Variants in GABBR2 observed in about 807,000 individuals in gnomAD.
GABBR2 encodes the protein G-protein coupled receptor 51.
A neutral mutation model predicts 105.6 loss-of-function variants in GABBR2; 23 were observed. The ratio of observed to expected loss-of-function variants is 0.22; its 90% confidence interval spans 0.16 to 0.31. The LOEUF is 0.31. Ranked by LOEUF, GABBR2 falls within the 10% of genes least tolerant of loss-of-function variation. GABBR2 has a pLI of 1.00. For missense variants in GABBR2, 734 were observed against 1,245.5 expected (o/e 0.59, Z 6.18); for synonymous variants, 478 against 499.7 (o/e 0.96, Z 0.58).
chr9:98,655,381 TA>T (rs374241115), intron 1 of GABBR2, among the ~76,000 whole-genome samples: 102 of 150,472 alleles, frequency 6.8e-4, no homozygotes, highest in African/African-American at 1.3e-3. Context: ...AAAATTGCTT[TA>T]AAAAAAAAGC....
At chr9:98,375,167 C>G (rs1831850412) in intron 11 of GABBR2, 1 of 152,308 alleles carries the variant, frequency 6.6e-6, no homozygotes. Context: ...TGATATTTCT[C>G]AAACCATCCT....
At chr9:98,575,429 C>T (rs1326834721) in intron 2 of GABBR2, among the ~76,000 whole-genome samples, 1 of 152,170 alleles carries the variant, frequency 6.6e-6, no homozygotes, top group African/African-American at 2.4e-5. Flanking sequence ...CAGGGCAGGA[C>T]TAACCACAAA....
At chr9:98,647,712 C>T (rs960083959) in intron 1 of GABBR2, among the ~76,000 whole-genome samples, 1 of 152,160 alleles carries the variant, frequency 6.6e-6, no homozygotes, top group African/African-American at 2.4e-5. Context: ...AGGTTAATTA[C>T]ATTGAGAAGA....
At chr9:98,338,480 T>C (rs1438912177) in intron 13 of GABBR2, among the ~76,000 whole-genome samples, 1 of 152,190 alleles carries the variant, frequency 6.6e-6, no homozygotes, top group African/African-American at 2.4e-5. Flanking sequence ...TAGACATTTC[T>C]CCAACAAAGA....
chr9:98,631,488 A>G (rs1366167528), intron 1 of GABBR2, among the ~76,000 whole-genome samples: 3 of 152,246 alleles, frequency 2.0e-5, no homozygotes, highest in African/African-American at 7.2e-5. Context: ...TAATGAATGG[A>G]ACAGACAGAT....
chr9:98,393,746 G>A lies in GABBR2; in HGVS notation c.1378+429C>T, dbSNP rs114651435. Among the ~76,000 whole-genome samples the A allele has an allele frequency of 7.8e-3, 1,191 of 152,324 alleles. 13 individuals are homozygous for A. Among genetic ancestry groups the A allele is most frequent in the African/African-American group, 0.027 (1,107 of 41,564 alleles). On this transcript the variant is annotated intron_variant, in intron 9 of 18. Coordinates refer to ENST00000259455, the MANE Select transcript of GABBR2 (RefSeq NM_005458.8). ...AGTTGGATGGCAATTAAGGAAGATC[G>A]CACAGAAGAGGTGTCATTTGAGCTG... is the stretch of plus-strand genomic sequence containing the variant.
At chr9:98,295,441 T>C (rs866811332) in intron 17 of GABBR2, among the ~76,000 whole-genome samples, 29 of 151,914 alleles carry the variant, frequency 1.9e-4, no homozygotes, top group African/African-American at 6.8e-4. Flanking sequence ...GGAGAGAAAA[T>C]ACATGAGTTA....
chr9:98,463,933 A>G (rs1236446627), intron 6 of GABBR2, among the ~76,000 whole-genome samples: 5 of 152,070 alleles, frequency 3.3e-5, no homozygotes, highest in Admixed American at 6.5e-5. Flanking sequence ...CGCTCACTCA[A>G]CGCTCAATGT....
intron 4 of GABBR2, among the ~76,000 whole-genome samples, chr9:98,482,804 C>T (rs956536043): frequency 2.0e-5 from 3 of 152,108 alleles, no homozygotes; most frequent in Admixed American, 1.3e-4. Flanking sequence ...TAATGAAACT[C>T]ACCCGGTGGC....
At chr9:98,596,189 C>T (rs577650805) in intron 1 of GABBR2, among the ~76,000 whole-genome samples, 1 of 152,322 alleles carries the variant, frequency 6.6e-6, no homozygotes, top group Non-Finnish European at 1.5e-5. Context: ...CAGTTTCCTC[C>T]CCCATAAACG....
Position 98,535,735 on chromosome 9 carries a change from C to T in GABBR2, c.630+6138G>A, listed in dbSNP as rs140985239. ...GCTATCAAGCAATGAAAAGACATGG[C>T]GGAAAGTTAAATGCGTATTAAAGAA... is the stretch of plus-strand genomic sequence containing the variant. On this transcript the variant is annotated intron_variant, in intron 3 of 18. Transcript: ENST00000259455. 4.9e-4 allele frequency among the ~76,000 whole-genome samples: 75 copies of T among 152,030 alleles called. 1 individual carries two copies. In the Middle Eastern group the frequency reaches 0.01, roughly 21 times the overall value.
intron 2 of GABBR2, among the ~76,000 whole-genome samples, chr9:98,557,772 A>G (rs920608781): frequency 6.6e-6 from 1 of 152,208 alleles, no homozygotes; most frequent in Middle Eastern, 3.2e-3. Flanking sequence ...AGTAAATGAT[A>G]CTGATTTTTC....
chr9:98,584,980 GCTCCGCAGAGTGA>G (rs1220940902), intron 1 of GABBR2, among the ~76,000 whole-genome samples: 1 of 152,130 alleles, frequency 6.6e-6, no homozygotes, highest in Non-Finnish European at 1.5e-5. Flanking sequence ...AGATAGCTAA[GCTCCGCAGAGTGA>G]CTCCGAGAGA....
intron 13 of GABBR2, among the ~76,000 whole-genome samples, chr9:98,340,590 C>T (rs970959701): frequency 6.6e-6 from 1 of 152,154 alleles, no homozygotes; most frequent in African/African-American, 2.4e-5. Context: ...ATAGCATCAA[C>T]CACAGACCTA....
intron 5 of GABBR2, among the ~76,000 whole-genome samples, chr9:98,475,793 G>A (rs1050336067): frequency 2.6e-5 from 4 of 152,212 alleles, no homozygotes; most frequent in African/African-American, 7.2e-5. Context: ...GAGTGGCTGG[G>A]CGCGTTGGCT....
intron 9 of GABBR2, 124 bp from the exon 10 acceptor site, chr9:98,389,128 T>C (rs1306646066): frequency 6.6e-6 from 5 of 758,948 alleles, no homozygotes; most frequent in African/African-American, 1.7e-5. Flanking sequence ...GGCACATCTA[T>C]CTACCGGGTG....
intron 13 of GABBR2, among the ~76,000 whole-genome samples, chr9:98,344,367 C>T (rs1348997473): frequency 6.6e-6 from 1 of 151,846 alleles, no homozygotes; most frequent in Non-Finnish European, 1.5e-5. Context: ...TTTTAAAAAC[C>T]TTTTTAACAT....
intron 2 of GABBR2, among the ~76,000 whole-genome samples, chr9:98,546,693 G>A (rs1414987912): frequency 6.6e-6 from 1 of 152,106 alleles, no homozygotes; most frequent in South Asian, 2.1e-4. Context: ...ATCTTGAAAA[G>A]AGCATATGGA....
At chr9:98,409,587 G>A (rs941104533) in intron 7 of GABBR2, among the ~76,000 whole-genome samples, 13 of 152,144 alleles carry the variant, frequency 8.5e-5, no homozygotes, top group African/African-American at 2.4e-4. Flanking sequence ...CCTCCCCAGC[G>A]GCTAGCATCT....
Sources: gnomAD v4.1 joint callset for allele counts (sites outside exome capture counted in the v4.1 genomes callset) on GRCh38, gnomAD v4.1.1 for gene constraint, MANE v1.5 for transcripts, NCBI Gene and HGNC (gene_info 2026-07-23, HGNC 2026-07-21) for gene names.